The following SH3BGRL2 variants were observed in gnomAD, a reference collection of about 807,000 sequenced individuals.
The protein encoded by SH3BGRL2 is SH3 domain binding glutamate rich protein like 2, also known as SH3 domain-binding glutamic acid-rich-like protein 2.
SH3BGRL2 carries 21 observed loss-of-function variants against 14.8 expected under a neutral mutation model. That is an observed-to-expected ratio of 1.42 (90% CI 1.01 to 2.05). The LOEUF is 2.05. Among genes scored for constraint, SH3BGRL2 ranks in the 30% most tolerant of loss-of-function variants. The pLI is 0.00. For missense variants in SH3BGRL2, 147 were observed against 130.8 expected (o/e 1.12, Z -0.61); for synonymous variants, 50 against 47.8 (o/e 1.05, Z -0.19).
chr6:79,645,619 A>G (rs1469502750), intron 1 of SH3BGRL2, among the ~76,000 whole-genome samples: 1 of 152,244 alleles, frequency 6.6e-6, no homozygotes, highest in Non-Finnish European at 1.5e-5. Context: ...ATCTATGTCT[A>G]TCAAAAGTGG....
chr6:79,616,889 A>G, the SH3BGRL2 span, among the ~76,000 whole-genome samples: 1 of 152,200 alleles, frequency 6.6e-6, no homozygotes, highest in Non-Finnish European at 1.5e-5. Context: ...TCAACTTTTG[A>G]TTATGAAAAA....
intron 1 of SH3BGRL2, among the ~76,000 whole-genome samples, chr6:79,638,544 G>C (rs1200386534): frequency 3.3e-5 from 5 of 152,062 alleles, no homozygotes; most frequent in Non-Finnish European, 5.9e-5. Flanking sequence ...TATAATGGCT[G>C]TACTCATATA....
At chr6:79,669,640 T>G (rs1444867169) in intron 1 of SH3BGRL2, among the ~76,000 whole-genome samples, 1 of 152,024 alleles carries the variant, frequency 6.6e-6, no homozygotes, top group Admixed American at 6.6e-5. Flanking sequence ...AGATAGGGTT[T>G]CACCATGTTG....
chr6:79,579,409 G>A, the SH3BGRL2 span, among the ~76,000 whole-genome samples: 1 of 152,194 alleles, frequency 6.6e-6, no homozygotes. Flanking sequence ...CAAAGGTTGA[G>A]TTACCCACAA....
At chr6:79,630,885 C>T (rs1768808083), upstream of SH3BGRL2, among the ~76,000 whole-genome samples, 2 of 152,244 alleles carry the variant, frequency 1.3e-5, no homozygotes, top group South Asian at 2.1e-4. Flanking sequence ...GCACCCGGCT[C>T]GCCGATCCCG....
chr6:79,695,493 A>G (rs1232485818), intron 2 of SH3BGRL2, among the ~76,000 whole-genome samples: 1 of 152,242 alleles, frequency 6.6e-6, no homozygotes. Context: ...CAGTGACTCC[A>G]GCACACGTGG....
chr6:79,576,052 C>G, the SH3BGRL2 span, among the ~76,000 whole-genome samples: 1 of 151,970 alleles, frequency 6.6e-6, no homozygotes, highest in Non-Finnish European at 1.5e-5. Context: ...CTAGCAAAGC[C>G]AAAGTTAATC....
rs183802079 is a variant in SH3BGRL2, at chr6:79,663,559, G to A, written c.46-10055G>A. Among the ~76,000 whole-genome samples the A allele has an allele frequency of 2.2e-3, 334 of 152,144 alleles. 4 individuals carry two copies. Among genetic ancestry groups the A allele is most frequent in the Non-Finnish European group, 3.5e-3 (237 of 67,978 alleles). On this transcript the variant is annotated intron_variant, in intron 1 of 3. Coordinates refer to ENST00000369838, the MANE Select transcript of SH3BGRL2 (RefSeq NM_031469.4). ...GAAGCGTCGTCCCAGAGGGGCACCC[G>A]CCTGTATGAGGTGTCAGTCGGCCCC... is the stretch of plus-strand genomic sequence containing the variant.
Position 79,699,591 on chromosome 6 carries a change from T to A in SH3BGRL2, c.*82T>A. 2 of 1,444,084 alleles carry A rather than the reference T, an allele frequency of 1.4e-6. No homozygotes were observed. Among genetic ancestry groups the A allele is most frequent in the Non-Finnish European group, 9.2e-7 (1 of 1,092,226 alleles). The allele number at this position is 1,444,084 out of a possible 1,614,324, so 89.5% of individuals were successfully genotyped here. ...CACACATGCTTACCTAATGCATCAC[T>A]GTGACAAAAGCCACACGCATTATCA... is the stretch of plus-strand genomic sequence containing the variant. On this transcript the variant is annotated 3_prime_UTR_variant, in exon 4 of 4. Transcript: ENST00000369838.
At chr6:79,566,049 T>G in the SH3BGRL2 span, among the ~76,000 whole-genome samples, 1 of 152,160 alleles carries the variant, frequency 6.6e-6, no homozygotes, top group Non-Finnish European at 1.5e-5. Flanking sequence ...AGATGAGTGG[T>G]ATGCCAAGGT....
the SH3BGRL2 span, among the ~76,000 whole-genome samples, chr6:79,559,806 G>T: frequency 0.16 from 25,079 of 152,100 alleles, 2,197 homozygotes; most frequent in South Asian, 0.22. Flanking sequence ...CTCTCAGATG[G>T]TTCAGAAAAA....
the SH3BGRL2 span, among the ~76,000 whole-genome samples, chr6:79,588,152 G>A: frequency 2.3e-3 from 349 of 152,212 alleles, no homozygotes; most frequent in Middle Eastern, 0.01. Context: ...AATTAGCTGG[G>A]CATGGTGGCA....
At chr6:79,541,071 G>A in the SH3BGRL2 span, among the ~76,000 whole-genome samples, 1 of 152,020 alleles carries the variant, frequency 6.6e-6, no homozygotes, top group African/African-American at 2.4e-5. Flanking sequence ...TGGCCAACAT[G>A]GTGAGACCCC....
At chr6:79,601,846 G>T in the SH3BGRL2 span, among the ~76,000 whole-genome samples, 1 of 151,610 alleles carries the variant, frequency 6.6e-6, no homozygotes, top group African/African-American at 2.4e-5. Context: ...TATTTATTTT[G>T]CATTGCTTGC....
intron 1 of SH3BGRL2, among the ~76,000 whole-genome samples, chr6:79,662,996 G>A (rs932739843): frequency 8.5e-5 from 13 of 152,108 alleles, no homozygotes; most frequent in Non-Finnish European, 1.5e-5. Flanking sequence ...TTCAGCTCCA[G>A]CAGGTCATTT....
At chr6:79,690,590 CAGAA>C (rs1562159098) in intron 2 of SH3BGRL2, among the ~76,000 whole-genome samples, 3 of 152,184 alleles carry the variant, frequency 2.0e-5, no homozygotes, top group African/African-American at 4.8e-5. Flanking sequence ...TATTCTGATA[CAGAA>C]AGAAAGAAAG....
At chr6:79,613,533 T>C in the SH3BGRL2 span, among the ~76,000 whole-genome samples, 1 of 152,236 alleles carries the variant, frequency 6.6e-6, no homozygotes, top group Non-Finnish European at 1.5e-5. Context: ...GTATAAACTT[T>C]AGAAACAATG....
chr6:79,665,349 G>A (rs991842933), intron 1 of SH3BGRL2, among the ~76,000 whole-genome samples: 16 of 152,070 alleles, frequency 1.1e-4, no homozygotes, highest in Non-Finnish European at 1.3e-4. Flanking sequence ...GGAGATTTTA[G>A]AAACAAAAAA....
At chr6:79,639,052 C>G (rs2127723238) in intron 1 of SH3BGRL2, among the ~76,000 whole-genome samples, 1 of 152,118 alleles carries the variant, frequency 6.6e-6, no homozygotes, top group Non-Finnish European at 1.5e-5. Flanking sequence ...AGGAAAAGAG[C>G]TATTGATGGT....
Sources: gnomAD v4.1 joint callset for allele counts (sites outside exome capture counted in the v4.1 genomes callset) on GRCh38, gnomAD v4.1.1 for gene constraint, MANE v1.5 for transcripts, NCBI Gene and HGNC (gene_info 2026-07-23, HGNC 2026-07-21) for gene names.